Variants in ZNF19 observed in about 807,000 individuals in gnomAD.
The protein encoded by ZNF19 is zinc finger protein 19.
Under a neutral mutation model 13.1 loss-of-function variants are expected in ZNF19, and 11 were observed. The ratio of observed to expected loss-of-function variants is 0.84; its 90% confidence interval spans 0.53 to 1.39. The LOEUF is 1.39. Ranked by LOEUF, ZNF19 falls within the 40% of genes most tolerant of loss-of-function variation. The pLI, the probability that ZNF19 is intolerant of heterozygous loss-of-function variation, is 0.00. For synonymous variants in ZNF19, 186 were observed against 187.0 expected, an observed-to-expected ratio of 0.99 and a Z score of 0.04; for missense variants, 560 against 547.0, an observed-to-expected ratio of 1.02 and a Z score of -0.24.
chr16:71,481,814 C>T (rs1482670605), intron 3 of ZNF19, among the ~76,000 whole-genome samples: 1 of 152,140 alleles, frequency 6.6e-6, no homozygotes, highest in African/African-American at 2.4e-5. Flanking sequence ...ATTCCCTCTG[C>T]AGAGGGACAG....
intron 5 of ZNF19, among the ~76,000 whole-genome samples, chr16:71,476,693 ATTG>A (rs1355629118): frequency 1.3e-5 from 2 of 152,222 alleles, no homozygotes; most frequent in African/African-American, 2.4e-5. Flanking sequence ...CAAAGGATGA[ATTG>A]TTGTTCTTTT....
intron 2 of ZNF19, among the ~76,000 whole-genome samples, chr16:71,484,178 A>G (rs1336937517): frequency 6.6e-6 from 1 of 152,246 alleles, no homozygotes; most frequent in Non-Finnish European, 1.5e-5. Context: ...TTTGATTAAT[A>G]CATGACTTTC....
At position 71,475,354 on chromosome 16, in the gene ZNF19, C is replaced by G. The variant is rs777257301; in HGVS notation, c.1193G>C (p.Arg398Thr). The G allele has an allele frequency of 2.5e-6, 4 of 1,613,628 alleles. No individual in the cohort carries two copies. The highest frequency in any genetic ancestry group is 3.4e-6 in the Non-Finnish European group (4 of 1,179,884). The change falls in exon 6 of 6, where the codon AGA (arginine) becomes ACA (threonine). Residue 398 changes from arginine to threonine, a missense_variant. By Grantham distance (71) the Arg-to-Thr change is moderately conservative (BLOSUM62 -1). Coordinates refer to ENST00000288177, the MANE Select transcript of ZNF19 (RefSeq NM_006961.4). ...DECGKALTSKRNLHQHQRIHT... is the reference protein window; with the variant it reads ...DECGKALTSKTNLHQHQRIHT... ...GATTCTTTGATGCTGATGAAGATTT[C>G]TTTTGCTAGTCAAGGCTTTTCCACA...
chr16:71,485,493 A>C (rs1195686172), intron 1 of ZNF19, among the ~76,000 whole-genome samples: 1 of 151,880 alleles, frequency 6.6e-6, no homozygotes, highest in Non-Finnish European at 1.5e-5. Flanking sequence ...ACAAAAAGAA[A>C]GAAAGACCAG....
intron 2 of ZNF19, 162 bp from the exon 3 acceptor site, chr16:71,482,305 T>C (rs2043642319): frequency 1.3e-5 from 8 of 626,056 alleles, no homozygotes; most frequent in Admixed American, 5.5e-5. Flanking sequence ...TACCATGAGG[T>C]TTGTAATTCT....
Position 71,478,249 on chromosome 16 carries a change from T to G in ZNF19, c.253A>C (p.Arg85=), listed in dbSNP as rs2043614456. The G allele has an allele frequency of 6.2e-7, 1 of 1,614,062 alleles. No homozygotes were observed. The highest frequency in any genetic ancestry group is 1.3e-5 in the African/African-American group (1 of 75,054). Reference sequence around the variant, plus strand: ...CTACCTTTACAGACGTTTTTGGTCCTCTCTGCTGGGGGATCATCCTGTGCT... The same window carrying G: ...CTACCTTTACAGACGTTTTTGGTCCGCTCTGCTGGGGGATCATCCTGTGCT... The part of the protein sequence containing the change: ...LEAQDDPPAE[R]TKNVCKDVET... Residue 85 remains arginine (R), a synonymous_variant, in exon 5 of 6, where the codon AGG becomes CGG. Coordinates refer to ENST00000288177, the MANE Select transcript of ZNF19 (RefSeq NM_006961.4).
chr16:71,485,768 A>T (rs2043674086), intron 1 of ZNF19, among the ~76,000 whole-genome samples: 1 of 152,184 alleles, frequency 6.6e-6, no homozygotes, highest in South Asian at 2.1e-4. Context: ...CACACACCAT[A>T]CAATTCATCA....
At chr16:71,484,812 T>G (rs1278082684) in intron 1 of ZNF19, 64 bp from the exon 2 acceptor site, 2 of 898,156 alleles carry the variant, frequency 2.2e-6, no homozygotes, top group African/African-American at 1.8e-5. Context: ...TAGCATTTTC[T>G]TCTATGTTGG....
rs181102483 is a variant in ZNF19 at position 71,476,442 on chromosome 16, A to T, written c.275-170T>A. Among the ~76,000 whole-genome samples the T allele has an allele frequency of 3.1e-3, 478 of 152,352 alleles. 3 individuals carry two copies. Among genetic ancestry groups the T allele is most frequent in the African/African-American group, 0.011 (461 of 41,588 alleles). On this transcript the variant is annotated intron_variant, in intron 5 of 5. Coordinates refer to ENST00000288177, the MANE Select transcript of ZNF19 (RefSeq NM_006961.4). ...GTGCCAAATATCACACAGGCAGAGA[A>T]CATTGAGGTGGAACAGGGTATCAGT... is the stretch of plus-strand genomic sequence containing the variant.
chr16:71,483,772 G>A (rs577114141), intron 2 of ZNF19, among the ~76,000 whole-genome samples: 1 of 152,242 alleles, frequency 6.6e-6, no homozygotes, highest in South Asian at 2.1e-4. Flanking sequence ...GCAAGGCCAC[G>A]TGTGACACAC....
chr16:71,475,159 G>A lies in ZNF19; in HGVS notation c.*11C>T, dbSNP rs768015169. ...CGGAATCCACTCAGTACATTTCACT[G>A]GAGTGTACTATTACCAGTAAAAGGG... On this transcript the variant is annotated 3_prime_UTR_variant, in exon 6 of 6. Coordinates refer to ENST00000288177, the MANE Select transcript of ZNF19 (RefSeq NM_006961.4). 6.4e-7 allele frequency: 1 copy of A among 1,563,820 alleles called. No individual in the cohort carries two copies. Among genetic ancestry groups the A allele is most frequent in the Admixed American group, 1.9e-5 (1 of 52,166 alleles).
intron 1 of ZNF19, 90 bp from the exon 2 acceptor site, chr16:71,484,838 G>C (rs1321186178): frequency 9.5e-6 from 5 of 525,794 alleles, no homozygotes; most frequent in Non-Finnish European, 1.2e-5. Flanking sequence ...AACTACTGTA[G>C]TATCAGCCGT....
intron 2 of ZNF19, among the ~76,000 whole-genome samples, chr16:71,484,344 C>T (rs1301652103): frequency 6.6e-6 from 1 of 152,248 alleles, no homozygotes; most frequent in Admixed American, 6.5e-5. Flanking sequence ...AGAACAGAGG[C>T]GTCCCTTCCA....
In ZNF19 at chr16:71,473,694, C is replaced by T. The variant is rs2043581670; in HGVS notation, c.*1476G>A. ...CCGCCTCCCGGGTTCAAGCAATTCG[C>T]CTGCCCCAGCTTCCTGAGCAGCTGG... On this transcript the variant is annotated 3_prime_UTR_variant, in exon 6 of 6. Transcript: ENST00000288177. 1.3e-5 allele frequency: 2 copies of T among 152,196 alleles called. No homozygotes were observed. The highest frequency in any genetic ancestry group is 4.8e-5 in the African/African-American group (2 of 41,430). The allele number at this position is 152,196 out of a possible 1,614,324, so 9.4% of individuals were successfully genotyped here.
rs967541917 is a variant in ZNF19, at chr16:71,474,359, A to C, written c.*811T>G. On this transcript the variant is annotated 3_prime_UTR_variant, in exon 6 of 6. Transcript: ENST00000288177. Reference sequence around the variant, plus strand: ...AGAGTAGCATCCATTCCAAATAAAAAACTGAATAAACAGAAAATGAAAGCT... The same window carrying C: ...AGAGTAGCATCCATTCCAAATAAAACACTGAATAAACAGAAAATGAAAGCT... 6.6e-6 allele frequency: 1 copy of C among 152,226 alleles called. No homozygotes were observed. Among genetic ancestry groups the C allele is most frequent in the Admixed American group, 6.5e-5 (1 of 15,282 alleles). The allele number at this position is 152,226 out of a possible 1,614,324, so 9.4% of individuals were successfully genotyped here. A position where few individuals can be genotyped will look rare whatever the true frequency, so the allele number is the denominator to read the frequency against.
At chr16:71,485,255 G>A (rs1227308773) in intron 1 of ZNF19, among the ~76,000 whole-genome samples, 1 of 152,040 alleles carries the variant, frequency 6.6e-6, no homozygotes, top group East Asian at 1.9e-4. Flanking sequence ...TTCGAGACCA[G>A]CCTGGTCAAC....
chr16:71,475,454 C>A lies in ZNF19; in HGVS notation c.1093G>T (p.Ala365Ser). The A allele has an allele frequency of 6.2e-7, 1 of 1,613,134 alleles. No individual in the cohort carries two copies. The highest frequency in any genetic ancestry group is 1.7e-5 in the Admixed American group (1 of 59,932). Residue 365 changes from alanine to serine, a missense_variant, in exon 6 of 6, where the codon GCC becomes TCC. By Grantham distance (99) the Ala-to-Ser change is moderately conservative. Coordinates refer to ENST00000288177, the MANE Select transcript of ZNF19 (RefSeq NM_006961.4). ...KPFDCVDCGK[A>S]FSAQEQLKRH... ...TTTAATTGTTCCTGAGCACTGAAGG[C>A]TTTTCCACAATCTACACAGTCAAAG...
Position 71,474,980 on chromosome 16 carries a change from G to C in ZNF19, c.*190C>G. 1.5e-6 allele frequency: 1 copy of C among 667,908 alleles called. No homozygotes were observed. The highest frequency in any genetic ancestry group is 2.4e-6 in the Non-Finnish European group (1 of 410,852). The allele number at this position is 667,908 out of a possible 1,614,324, so 41.4% of individuals were successfully genotyped here. On this transcript the variant is annotated 3_prime_UTR_variant, in exon 6 of 6. Coordinates refer to ENST00000288177, the MANE Select transcript of ZNF19 (RefSeq NM_006961.4). ...TAAAACCAATGGGGGTGGGCGGGGG[G>C]AGAGTATTTGTTCCTATTAGCTCTT...
chr16:71,488,313 A>T (rs1273293224), intron 1 of ZNF19, among the ~76,000 whole-genome samples: 1 of 150,964 alleles, frequency 6.6e-6, no homozygotes, highest in Non-Finnish European at 1.5e-5. Flanking sequence ...TAAGCTGAGA[A>T]TATGCCACTG....
Sources: allele counts gnomAD v4.1 joint callset (sites outside exome capture counted in the v4.1 genomes callset), GRCh38; gene constraint gnomAD v4.1.1; transcripts MANE v1.5; gene names NCBI Gene and HGNC (gene_info 2026-07-23, HGNC 2026-07-21).